NEDD9: variants seen among roughly 807,000 people sequenced by gnomAD.
NEDD9 encodes neural precursor cell expressed, developmentally down-regulated 9, also known as enhancer of filamentation 1.
In NEDD9, 26 loss-of-function variants were observed where a neutral mutation model predicts 76.6. The ratio of observed to expected loss-of-function variants is 0.34; its 90% CI spans 0.25 to 0.47. NEDD9 has a LOEUF of 0.47. Among genes scored for constraint, NEDD9 ranks in the 20% least tolerant of loss-of-function variants. The pLI is 1.00. For missense variants in NEDD9, 937 were observed against 1,058.5 expected, an observed-to-expected ratio of 0.89 and a Z score of 1.59; for synonymous variants, 392 against 414.2, an observed-to-expected ratio of 0.95 and a Z score of 0.65.
chr6:11,343,390 C>A (rs992873199), intron 1 of NEDD9, among the ~76,000 whole-genome samples: 15 of 151,920 alleles, frequency 9.9e-5, no homozygotes, highest in African/African-American at 3.6e-4. Context: ...GATGGCGCCA[C>A]TGCACTCTAG....
At chr6:11,289,328 A>G (rs1760714204) in intron 3 of NEDD9, among the ~76,000 whole-genome samples, 1 of 152,232 alleles carries the variant, frequency 6.6e-6, no homozygotes, top group African/African-American at 2.4e-5. Flanking sequence ...AGCTAAATTA[A>G]GTAATATAAT....
At chr6:11,187,425 G>A (rs1758007026) in intron 6 of NEDD9, among the ~76,000 whole-genome samples, 1 of 152,146 alleles carries the variant, frequency 6.6e-6, no homozygotes, top group African/African-American at 2.4e-5. Flanking sequence ...TCAGTAGATA[G>A]GCCTGGATAT....
chr6:11,272,271 C>A (rs1215646249), intron 3 of NEDD9, among the ~76,000 whole-genome samples: 2 of 152,294 alleles, frequency 1.3e-5, no homozygotes, highest in African/African-American at 2.4e-5. Context: ...TCGTCTATCA[C>A]AAATGGTAGT....
intron 2 of NEDD9, among the ~76,000 whole-genome samples, chr6:11,201,313 G>A (rs968771051): frequency 6.6e-6 from 1 of 152,154 alleles, no homozygotes; most frequent in East Asian, 1.9e-4. Flanking sequence ...ACTCACAAAG[G>A]CCAATCCCCC....
At chr6:11,366,965 C>G (rs1013162506) in intron 1 of NEDD9, among the ~76,000 whole-genome samples, 20 of 152,206 alleles carry the variant, frequency 1.3e-4, no homozygotes, top group South Asian at 2.1e-4. Context: ...TATTTTGATC[C>G]AATGTTGTTA....
At chr6:11,345,819 A>G (rs1334137643) in intron 1 of NEDD9, among the ~76,000 whole-genome samples, 1 of 152,276 alleles carries the variant, frequency 6.6e-6, no homozygotes, top group African/African-American at 2.4e-5. Context: ...TCGAAGGCCA[A>G]GTCAGTGTGA....
chr6:11,289,228 T>C (rs532223381), intron 3 of NEDD9, among the ~76,000 whole-genome samples: 2 of 152,368 alleles, frequency 1.3e-5, no homozygotes, highest in East Asian at 3.9e-4. Flanking sequence ...AAGTGAACAA[T>C]GAAGGCACAT....
intron 3 of NEDD9, among the ~76,000 whole-genome samples, chr6:11,259,452 T>C (rs1227464646): frequency 6.6e-6 from 1 of 152,240 alleles, no homozygotes; most frequent in African/African-American, 2.4e-5. Context: ...ACTTTGAAGA[T>C]GGGTTCTATC....
chr6:11,202,827 A>T (rs1280788514), intron 2 of NEDD9, among the ~76,000 whole-genome samples: 1 of 152,144 alleles, frequency 6.6e-6, no homozygotes, highest in Non-Finnish European at 1.5e-5. Context: ...AGTCGTTCTG[A>T]TGCCTGATTT....
intron 3 of NEDD9, among the ~76,000 whole-genome samples, chr6:11,290,483 A>G (rs1335697126): frequency 6.6e-6 from 1 of 152,152 alleles, no homozygotes; most frequent in East Asian, 1.9e-4. Flanking sequence ...AGCATTTCCC[A>G]TAATTACGGT....
intron 1 of NEDD9, among the ~76,000 whole-genome samples, chr6:11,220,909 A>G (rs1255155383): frequency 2.0e-5 from 3 of 152,150 alleles, no homozygotes; most frequent in Non-Finnish European, 2.9e-5. Context: ...TTACTATGTA[A>G]CCAACAAAAT....
chr6:11,225,646 T>A (rs1759287180), intron 1 of NEDD9, among the ~76,000 whole-genome samples: 2 of 152,200 alleles, frequency 1.3e-5, no homozygotes, highest in African/African-American at 4.8e-5. Context: ...GGATTACAGG[T>A]GACCACCACC....
rs1004685631 is a variant in NEDD9 at position 11,183,715 on chromosome 6, G to T, written c.*1447C>A. On this transcript the variant is annotated 3_prime_UTR_variant, in exon 7 of 7. Transcript: ENST00000379446. ...AATCCTTTTCTGTTCCAATGATTTG[G>T]TTGTTTAAAACAAGCAAGCTTAATT... 4.6e-5 allele frequency: 7 copies of T among 151,964 alleles called. No homozygotes were observed. The highest frequency in any genetic ancestry group is 1.7e-4 in the African/African-American group (7 of 41,352). 9.4% of individuals were successfully genotyped at this position (151,964 alleles called of 1,614,324 possible).
chr6:11,336,497 C>A (rs1053143681), intron 1 of NEDD9, among the ~76,000 whole-genome samples: 2 of 152,094 alleles, frequency 1.3e-5, no homozygotes, highest in South Asian at 4.1e-4. Flanking sequence ...AGAAAATGTT[C>A]AGTATGAATA....
At chr6:11,231,404 CAGTT>C (rs1759464863) in intron 1 of NEDD9, among the ~76,000 whole-genome samples, 1 of 152,300 alleles carries the variant, frequency 6.6e-6, no homozygotes, top group African/African-American at 2.4e-5. Flanking sequence ...CAGTGGCTAT[CAGTT>C]AGACCAAGTA....
chr6:11,299,761 G>A (rs1760993665), intron 3 of NEDD9, among the ~76,000 whole-genome samples: 1 of 152,210 alleles, frequency 6.6e-6, no homozygotes, highest in Non-Finnish European at 1.5e-5. Context: ...CAGACCTGAA[G>A]CTGAGGGGTC....
At chr6:11,308,361 C>CTTTTTTTT (rs933892327) in intron 2 of NEDD9, among the ~76,000 whole-genome samples, 5 of 87,850 alleles carry the variant, frequency 5.7e-5, no homozygotes, top group Non-Finnish European at 8.5e-5. Context: ...GATGGGACAT[C>CTTTTTTTT]TTTTTTTTTT....
intron 1 of NEDD9, among the ~76,000 whole-genome samples, chr6:11,226,197 C>T (rs1440187262): frequency 6.6e-6 from 1 of 152,096 alleles, no homozygotes; most frequent in African/African-American, 2.4e-5. Flanking sequence ...AGAGAGATGG[C>T]TGGAATGTTC....
Position 11,331,933 on chromosome 6 carries a change from G to A in NEDD9, c.-153+2568C>T, listed in dbSNP as rs116121279. Among the ~76,000 whole-genome samples the A allele has an allele frequency of 6.6e-3, 1,001 of 152,332 alleles. 10 individuals are homozygous for A. Among genetic ancestry groups the A allele is most frequent in the African/African-American group, 0.023 (948 of 41,568 alleles). ...GCTGGAGGGGAGCTGTAGTTCAAAT[G>A]CAGTAATAGCTGTTTTTAAACTGAT... On this transcript the variant is annotated intron_variant, in intron 2 of 3. Transcript: ENST00000397378.
Sources: allele counts gnomAD v4.1 joint callset (sites outside exome capture counted in the v4.1 genomes callset), GRCh38; gene constraint gnomAD v4.1.1; transcripts MANE v1.5; gene names NCBI Gene and HGNC (gene_info 2026-07-23, HGNC 2026-07-21).